ANKS1A: variants seen among roughly 807,000 people sequenced by gnomAD.
ANKS1A encodes ankyrin repeat and sterile alpha motif domain containing 1A.
In ANKS1A, 55 loss-of-function variants were observed where a neutral mutation model predicts 120.3. The observed-to-expected ratio is 0.46, with a 90% CI of 0.37 to 0.57. The LOEUF (loss-of-function observed/expected upper bound fraction) is 0.57, where lower values mean the gene tolerates loss of function less well. Ranked by LOEUF, ANKS1A falls within the 20% of genes least tolerant of loss-of-function variation. The pLI, the probability that ANKS1A is intolerant of heterozygous loss-of-function variation, is 0.00. For synonymous variants in ANKS1A, 590 were observed against 604.7 expected (o/e 0.98, Z 0.36); for missense variants, 1,123 against 1,480.3 (o/e 0.76, Z 3.96).
chr6:35,010,813 TA>T (rs1317115325), intron 10 of ANKS1A, among the ~76,000 whole-genome samples: 1 of 152,164 alleles, frequency 6.6e-6, no homozygotes, highest in Non-Finnish European at 1.5e-5. Context: ...GAGTAGTCAT[TA>T]AAAAAGTTTG....
At chr6:34,997,218 A>C in intron 10 of ANKS1A, among the ~76,000 whole-genome samples, 1 of 126,652 alleles carries the variant, frequency 7.9e-6, no homozygotes, top group Admixed American at 8.8e-5. Context: ...TTTTTTTGAG[A>C]CAGAGTCTTG....
intron 13 of ANKS1A, among the ~76,000 whole-genome samples, chr6:35,069,891 G>A (rs1776989891): frequency 6.6e-6 from 1 of 152,024 alleles, no homozygotes; most frequent in Non-Finnish European, 1.5e-5. Context: ...GCTGGGTTTG[G>A]TGGCACATGC....
At chr6:35,080,463 C>T (rs1355142416) in intron 16 of ANKS1A, among the ~76,000 whole-genome samples, 1 of 152,208 alleles carries the variant, frequency 6.6e-6, no homozygotes, top group East Asian at 1.9e-4. Flanking sequence ...CTAGAGCAGC[C>T]GCTCCCCGAG....
At chr6:34,896,767 C>G (rs1274153963) in intron 1 of ANKS1A, among the ~76,000 whole-genome samples, 1 of 152,086 alleles carries the variant, frequency 6.6e-6, no homozygotes, top group Non-Finnish European at 1.5e-5. Flanking sequence ...GAGTTAGAGA[C>G]CAGCCTGGCC....
chr6:35,009,901 CTAAAAAAAAAAAAAAA>C (rs1255838635), intron 10 of ANKS1A: 1 of 90,684 alleles, frequency 1.1e-5, no homozygotes, highest in African/African-American at 1.1e-4. Flanking sequence ...AAGACTCTGT[CTAAAAAAAAAAAAAAA>C]AAAAAAAAAA....
chr6:34,994,449 A>G, intron 10 of ANKS1A, 27 bp downstream of exon 10: 1 of 1,605,398 alleles, frequency 6.2e-7, no homozygotes, highest in Non-Finnish European at 8.5e-7. Flanking sequence ...TCCTGGCAGA[A>G]CCAACTCCAA....
chr6:34,986,376 T>C (rs1018218744), intron 8 of ANKS1A, among the ~76,000 whole-genome samples: 1 of 152,210 alleles, frequency 6.6e-6, no homozygotes, highest in Non-Finnish European at 1.5e-5. Context: ...CTGGTCCCAC[T>C]GACCCTCCTT....
chr6:35,085,198 T>C lies in ANKS1A; in HGVS notation c.3133-568T>C, dbSNP rs2127614725. On this transcript the variant is annotated intron_variant, in intron 21 of 23. Coordinates refer to ENST00000360359, the MANE Select transcript of ANKS1A (RefSeq NM_015245.3). The surrounding 1 kb of genome is among the most constrained non-coding windows in gnomAD (Gnocchi z 4.7). ...CCTCATCTGTCTGGAGGGGATATAA[T>C]GTGGCCCACCTCAGGGGCCACTGTG... 6.6e-6 allele frequency among the ~76,000 whole-genome samples: 1 copy of C among 152,272 alleles called. No individual in the cohort carries two copies. Among genetic ancestry groups the C allele is most frequent in the South Asian group, 2.1e-4 (1 of 4,824 alleles).
chr6:34,922,717 C>T (rs549066287), intron 1 of ANKS1A, among the ~76,000 whole-genome samples: 5 of 124,194 alleles, frequency 4.0e-5, no homozygotes, highest in East Asian at 2.9e-4. Context: ...TTTTTTGTGA[C>T]GGAGTCTCAC....
chr6:35,015,660 C>G (rs1280171679), intron 10 of ANKS1A, among the ~76,000 whole-genome samples: 3 of 152,186 alleles, frequency 2.0e-5, no homozygotes, highest in African/African-American at 7.2e-5. Context: ...CTGAACTGCT[C>G]TTCTGGAGCT....
intron 3 of ANKS1A, among the ~76,000 whole-genome samples, chr6:34,980,670 C>T (rs768271105): frequency 7.2e-5 from 11 of 152,202 alleles, no homozygotes; most frequent in Non-Finnish European, 1.3e-4. Context: ...ATTTAGGAAT[C>T]TCAAAATCTT....
intron 10 of ANKS1A, among the ~76,000 whole-genome samples, chr6:35,013,912 C>T (rs1773884418): frequency 6.6e-6 from 1 of 152,106 alleles, no homozygotes; most frequent in African/African-American, 2.4e-5. Flanking sequence ...TGTAACGGAC[C>T]CTGTGTGGAG....
At chr6:34,976,136 CAA>C (rs748181297) in intron 3 of ANKS1A, among the ~76,000 whole-genome samples, 12 of 87,590 alleles carry the variant, frequency 1.4e-4, no homozygotes, top group Non-Finnish European at 1.8e-4. Flanking sequence ...GACTCCATCT[CAA>C]AAAAAAAAAA....
At chr6:34,985,374 C>T (rs1039122155) in intron 8 of ANKS1A, 96 bp downstream of exon 8, 164 of 1,275,578 alleles carry the variant, frequency 1.3e-4, no homozygotes, top group Non-Finnish European at 1.7e-4. Context: ...ATCCCTGGTG[C>T]CAGCTCATGT....
At chr6:34,947,269 T>C (rs1769851053) in intron 1 of ANKS1A, among the ~76,000 whole-genome samples, 1 of 151,604 alleles carries the variant, frequency 6.6e-6, no homozygotes, top group Admixed American at 6.6e-5. Flanking sequence ...TCTCAGCCTT[T>C]CGAGTAGCTT....
chr6:34,929,486 C>T (rs1581706124), intron 1 of ANKS1A, among the ~76,000 whole-genome samples: 2 of 152,156 alleles, frequency 1.3e-5, no homozygotes, highest in Non-Finnish European at 2.9e-5. Flanking sequence ...GTGCCGTTCA[C>T]GTGTCTCTAG....
chr6:35,014,813 G>A (rs1447161407), intron 10 of ANKS1A, among the ~76,000 whole-genome samples: 4 of 152,328 alleles, frequency 2.6e-5, no homozygotes, highest in Non-Finnish European at 4.4e-5. Context: ...GCCAGGATCT[G>A]TAGGAAGTCG....
In ANKS1A at chr6:35,050,816, G is replaced by A. The variant is rs773423976; in HGVS notation, c.2011-3283G>A. On this transcript the variant is annotated intron_variant, in intron 11 of 23. Transcript: ENST00000360359. The surrounding 1 kb of genome is among the most constrained non-coding windows in gnomAD (Gnocchi z 4.3). ...TCGCTGCCATGTCCCTCCTGGCCCT[G>A]AGCTTCCACCAAGACAGGTTCCAGT... is the stretch of plus-strand genomic sequence containing the variant. Among the ~76,000 whole-genome samples, 1 of 152,136 alleles carries A rather than the reference G, an allele frequency of 6.6e-6. No homozygotes were observed. Among genetic ancestry groups the A allele is most frequent in the Non-Finnish European group, 1.5e-5 (1 of 68,026 alleles).
chr6:34,927,254 T>A (rs987976883), intron 1 of ANKS1A, among the ~76,000 whole-genome samples: 12 of 151,918 alleles, frequency 7.9e-5, no homozygotes, highest in Non-Finnish European at 5.9e-5. Context: ...GGTTGAAGAT[T>A]TGAGTCAGGC....
Sources: gnomAD v4.1 joint callset for allele counts (sites outside exome capture counted in the v4.1 genomes callset) on GRCh38, gnomAD v4.1.1 for gene constraint, Gnocchi (gnomAD v3.1) non-coding constraint, MANE v1.5 for transcripts, NCBI Gene and HGNC (gene_info 2026-07-23, HGNC 2026-07-21) for gene names.